The following POT1 variants were observed in gnomAD, a reference collection of about 807,000 sequenced individuals.
POT1 encodes protection of telomeres protein 1.
A neutral mutation model predicts 78.5 loss-of-function variants in POT1; 47 were observed. The observed-to-expected ratio is 0.60, with a 90% CI of 0.47 to 0.76. POT1 has a LOEUF of 0.76. POT1 is among the 30% of genes least tolerant of loss of function. POT1 has a pLI of 0.00. For missense variants in POT1, 646 were observed against 749.9 expected, an observed-to-expected ratio of 0.86 and a Z score of 1.62; for synonymous variants, 259 against 260.7, an observed-to-expected ratio of 0.99 and a Z score of 0.06.
At chr7:124,825,175 A>C in intron 18 of POT1, 77 bp downstream of exon 18, 1 of 866,466 alleles carries the variant, frequency 1.2e-6, no homozygotes, top group South Asian at 2.2e-5. Context: ...CAGACTTCTA[A>C]AAGTCCACAG....
chr7:124,896,216 C>A (rs1437950844), intron 5 of POT1, among the ~76,000 whole-genome samples: 2 of 151,586 alleles, frequency 1.3e-5, no homozygotes, highest in African/African-American at 4.8e-5. Flanking sequence ...AAAATAAAGT[C>A]AAATAGATCT....
intron 9 of POT1, among the ~76,000 whole-genome samples, chr7:124,856,808 C>T (rs924327407): frequency 2.0e-5 from 3 of 152,086 alleles, no homozygotes; most frequent in African/African-American, 7.2e-5. Context: ...GAAAAAACCT[C>T]CAGAACTGAA....
chr7:124,861,390 A>G (rs538690939), intron 8 of POT1, among the ~76,000 whole-genome samples: 1 of 152,210 alleles, frequency 6.6e-6, no homozygotes, highest in African/African-American at 2.4e-5. Flanking sequence ...TCTGTTAGCC[A>G]CATAAATGTC....
intron 2 of POT1, among the ~76,000 whole-genome samples, chr7:124,926,429 G>C (rs1797275679): frequency 6.6e-6 from 1 of 151,878 alleles, no homozygotes; most frequent in African/African-American, 2.4e-5. Context: ...AAAAGACAAA[G>C]AAAAAACAGA....
chr7:124,853,837 T>C (rs987523891), intron 9 of POT1, among the ~76,000 whole-genome samples: 2 of 152,066 alleles, frequency 1.3e-5, no homozygotes, highest in Non-Finnish European at 1.5e-5. Context: ...GATTTTTCTT[T>C]TAATGGAGAT....
intron 18 of POT1, among the ~76,000 whole-genome samples, chr7:124,824,475 A>G (rs73719056): frequency 0.014 from 2,078 of 152,196 alleles, 49 homozygotes; most frequent in African/African-American, 0.048. Flanking sequence ...CTGACAACAA[A>G]TAAAGGTATT....
intron 5 of POT1, among the ~76,000 whole-genome samples, chr7:124,894,747 T>C (rs941683736): frequency 6.6e-6 from 1 of 151,454 alleles, no homozygotes; most frequent in Non-Finnish European, 1.5e-5. Flanking sequence ...TTGTATTCCA[T>C]AAAAAAGGAC....
intron 10 of POT1, among the ~76,000 whole-genome samples, chr7:124,852,294 A>G (rs1429292630): frequency 6.6e-6 from 1 of 152,220 alleles, no homozygotes; most frequent in Non-Finnish European, 1.5e-5. Flanking sequence ...TAAAAGTAAT[A>G]AAACAGAAGC....
intron 8 of POT1, among the ~76,000 whole-genome samples, chr7:124,861,391 CATAA>C (rs1287576225): frequency 6.6e-6 from 1 of 152,084 alleles, no homozygotes; most frequent in Non-Finnish European, 1.5e-5. Flanking sequence ...CTGTTAGCCA[CATAA>C]ATGTCTTCTT....
chr7:124,922,358 C>T (rs1024574978), intron 2 of POT1, among the ~76,000 whole-genome samples: 9 of 151,904 alleles, frequency 5.9e-5, no homozygotes, highest in African/African-American at 2.2e-4. Context: ...ATACTTTTTC[C>T]TTCTTTTAAT....
intron 6 of POT1, among the ~76,000 whole-genome samples, chr7:124,878,111 A>C (rs1796033679): frequency 6.6e-6 from 1 of 152,060 alleles, no homozygotes; most frequent in African/African-American, 2.4e-5. Flanking sequence ...TGGGTGGATC[A>C]CTAGTGGCCA....
intron 2 of POT1, among the ~76,000 whole-genome samples, chr7:124,921,534 T>C (rs1014326906): frequency 1.3e-5 from 2 of 152,134 alleles, no homozygotes; most frequent in African/African-American, 2.4e-5. Flanking sequence ...CAAACGTCTA[T>C]ACGAAGAATA....
intron 17 of POT1, 85 bp from the exon 18 acceptor site, chr7:124,825,442 C>G (rs1794607680): frequency 2.5e-6 from 2 of 803,620 alleles, no homozygotes; most frequent in Admixed American, 2.8e-5. Flanking sequence ...TCAATATTGT[C>G]CAATTAAAAG....
chr7:124,855,803 A>G (rs1162530547), intron 9 of POT1, among the ~76,000 whole-genome samples: 1 of 152,072 alleles, frequency 6.6e-6, no homozygotes, highest in Non-Finnish European at 1.5e-5. Context: ...TTCCCTGAAT[A>G]TGTCTCAAAA....
At chr7:124,884,178 A>G (rs1168735243) in intron 6 of POT1, among the ~76,000 whole-genome samples, 3 of 152,132 alleles carry the variant, frequency 2.0e-5, no homozygotes, top group African/African-American at 4.8e-5. Context: ...AAAATAATCA[A>G]TATTACATAA....
At chr7:124,869,460 T>C (rs561426474) in intron 7 of POT1, among the ~76,000 whole-genome samples, 11 of 152,294 alleles carry the variant, frequency 7.2e-5, no homozygotes, top group African/African-American at 2.6e-4. Context: ...AACAACTAAA[T>C]ATGTTTATGA....
intron 14 of POT1, among the ~76,000 whole-genome samples, chr7:124,838,924 C>A (rs1428073012): frequency 6.6e-6 from 1 of 151,920 alleles, no homozygotes. Context: ...AATAAAAATC[C>A]CAGCAAGTTA....
Position 124,842,951 on chromosome 7 carries a change from T to C in POT1, c.1019A>G (p.His340Arg). The C allele has an allele frequency of 6.3e-7, 1 of 1,582,472 alleles. No homozygotes were observed. Among genetic ancestry groups the C allele is most frequent in the Non-Finnish European group, 8.6e-7 (1 of 1,169,442 alleles). The part of the protein sequence containing the change: ...QQLSATILTD[H>R]QYLERTPLCA... The stretch of plus-strand genomic sequence containing the variant: ...TAGTGGTGTCCTCTCCAAATACTGA[T>C]GATCTGTAAGTACTGTAAAGAATTT... Residue 340 changes from histidine (H) to arginine (R), a missense_variant, in exon 13 of 19, where the codon CAT (histidine) becomes CGT (arginine). His to Arg is a conservative substitution (Grantham distance 29, BLOSUM62 0). This residue lies in a region of POT1 where 394 missense variants were observed against 408.4 expected (regional missense o/e 0.96). Coordinates refer to ENST00000357628, the MANE Select transcript of POT1 (RefSeq NM_015450.3).
intron 6 of POT1, among the ~76,000 whole-genome samples, chr7:124,886,226 C>T (rs1468557956): frequency 6.6e-6 from 1 of 152,158 alleles, no homozygotes; most frequent in Non-Finnish European, 1.5e-5. Flanking sequence ...TAACAGAATA[C>T]ACTTTTTCCA....
Sources: allele counts gnomAD v4.1 joint callset (sites outside exome capture counted in the v4.1 genomes callset), GRCh38; gene constraint gnomAD v4.1.1; regional missense constraint gnomAD v4.1.1; transcripts MANE v1.5; gene names NCBI Gene and HGNC (gene_info 2026-07-23, HGNC 2026-07-21).